The following PKIB variants were observed in gnomAD, a reference collection of about 807,000 sequenced individuals.
PKIB encodes cAMP-dependent protein kinase inhibitor beta, also known as PKI-beta.
A neutral mutation model predicts 4.5 loss-of-function variants in PKIB; 2 were observed. The observed-to-expected ratio is 0.44, with a 90% CI of 0.18 to 1.39. PKIB has a LOEUF of 1.39. Among genes scored for constraint, PKIB ranks in the 40% most tolerant of loss-of-function variants. PKIB has a pLI of 0.27. For missense variants in PKIB, 94 were observed against 92.6 expected (o/e 1.02, Z -0.06); for synonymous variants, 38 against 36.0 (o/e 1.06, Z -0.20).
At chr6:122,476,135 GC>G (rs940648980) in intron 1 of PKIB, among the ~76,000 whole-genome samples, 1 of 151,960 alleles carries the variant, frequency 6.6e-6, no homozygotes, top group East Asian at 1.9e-4. Context: ...AAACATCTTG[GC>G]CCCCCCACAG....
intron 2 of PKIB, chr6:122,479,826 A>G (rs1279281626): frequency 6.6e-6 from 1 of 152,176 alleles, no homozygotes; most frequent in Non-Finnish European, 1.5e-5. Context: ...CTCAAAGCAT[A>G]TACTGTTTCT....
At chr6:122,632,361 A>C (rs1455960261) in intron 1 of PKIB, among the ~76,000 whole-genome samples, 4 of 152,184 alleles carry the variant, frequency 2.6e-5, no homozygotes, top group African/African-American at 4.8e-5. Context: ...ATCTTCATAA[A>C]ATGAAAGAAA....
chr6:122,548,995 G>GTA (rs1249077161), intron 2 of PKIB, among the ~76,000 whole-genome samples: 1 of 152,152 alleles, frequency 6.6e-6, no homozygotes, highest in Middle Eastern at 3.2e-3. Context: ...ACACACAACA[G>GTA]TAACTTCCTT....
chr6:122,504,570 T>C (rs1776341933), intron 2 of PKIB, among the ~76,000 whole-genome samples: 1 of 152,244 alleles, frequency 6.6e-6, no homozygotes, highest in Non-Finnish European at 1.5e-5. Flanking sequence ...AGCATGTTTG[T>C]TAGAAATCCC....
intron 3 of PKIB, among the ~76,000 whole-genome samples, chr6:122,711,650 A>G (rs1397877119): frequency 6.6e-6 from 1 of 152,152 alleles, no homozygotes; most frequent in Non-Finnish European, 1.5e-5. Context: ...GAGGCTACAT[A>G]GTTTATTGCA....
At chr6:122,600,280 G>T (rs1273303485) in intron 3 of PKIB, among the ~76,000 whole-genome samples, 4 of 152,164 alleles carry the variant, frequency 2.6e-5, no homozygotes, top group African/African-American at 9.7e-5. Flanking sequence ...CAGCTGATTA[G>T]ATTGTGGCCA....
chr6:122,565,517 A>G (rs9490480), intron 2 of PKIB, among the ~76,000 whole-genome samples: 2,199 of 152,328 alleles, frequency 0.014, 55 homozygotes, highest in African/African-American at 0.051. Flanking sequence ...TGGCTAAGAT[A>G]TTCCAGTATC....
At chr6:122,633,937 T>TCTATCTATCTAA in intron 2 of PKIB, among the ~76,000 whole-genome samples, 1 of 150,404 alleles carries the variant, frequency 6.6e-6, no homozygotes, top group Admixed American at 6.6e-5. Flanking sequence ...GTCCTATCTA[T>TCTATCTATCTAA]CTATCTATCT....
intron 3 of PKIB, among the ~76,000 whole-genome samples, chr6:122,699,660 C>A (rs1020557434): frequency 2.0e-5 from 3 of 152,132 alleles, no homozygotes; most frequent in Non-Finnish European, 4.4e-5. Context: ...TTACTTTGAG[C>A]CATGTTAATA....
At chr6:122,503,961 T>C (rs1461141230) in intron 2 of PKIB, among the ~76,000 whole-genome samples, 2 of 152,202 alleles carry the variant, frequency 1.3e-5, no homozygotes, top group East Asian at 3.9e-4. Flanking sequence ...TGATAATGAA[T>C]TGATTCCAAT....
intron 3 of PKIB, among the ~76,000 whole-genome samples, chr6:122,698,768 A>T (rs1778680099): frequency 6.6e-6 from 1 of 152,164 alleles, no homozygotes; most frequent in East Asian, 1.9e-4. Context: ...AATTAAAGAA[A>T]ATTTGCAAAA....
chr6:122,634,528 G>A (rs1292838697), intron 2 of PKIB, among the ~76,000 whole-genome samples: 1 of 152,056 alleles, frequency 6.6e-6, no homozygotes, highest in African/African-American at 2.4e-5. Context: ...CAGCCTGAGG[G>A]AAGGCTCCAA....
At chr6:122,601,374 A>T (rs1279263748) in intron 3 of PKIB, among the ~76,000 whole-genome samples, 1 of 152,144 alleles carries the variant, frequency 6.6e-6, no homozygotes, top group East Asian at 1.9e-4. Flanking sequence ...GAAATTAGAG[A>T]AAAAGAGTTT....
At chr6:122,576,281 C>T (rs1425657982) in intron 2 of PKIB, among the ~76,000 whole-genome samples, 1 of 151,774 alleles carries the variant, frequency 6.6e-6, no homozygotes, top group East Asian at 1.9e-4. Context: ...AGGCGGATCA[C>T]GAGGTCAGGA....
chr6:122,480,521 G>T (rs1388227573), intron 2 of PKIB: 2 of 151,986 alleles, frequency 1.3e-5, no homozygotes, highest in African/African-American at 4.8e-5. Flanking sequence ...AATGCTTCAG[G>T]TACTTTTTCT....
intron 4 of PKIB, among the ~76,000 whole-genome samples, chr6:122,723,048 C>T (rs1452795967): frequency 1.3e-5 from 2 of 152,162 alleles, no homozygotes; most frequent in African/African-American, 2.4e-5. Context: ...GGACACTCCA[C>T]TCATCTGGTT....
intron 3 of PKIB, among the ~76,000 whole-genome samples, chr6:122,680,718 C>T (rs1777866159): frequency 6.6e-6 from 1 of 152,202 alleles, no homozygotes; most frequent in South Asian, 2.1e-4. Context: ...TGAGCTCCAA[C>T]ATGTCTGAGT....
intron 2 of PKIB, among the ~76,000 whole-genome samples, chr6:122,523,966 A>G (rs1295727358): frequency 6.6e-6 from 1 of 152,212 alleles, no homozygotes; most frequent in East Asian, 1.9e-4. Flanking sequence ...TCTTCATAGC[A>G]GTATGAAAAT....
At chr6:122,649,725 G>T (rs1776475888) in intron 2 of PKIB, among the ~76,000 whole-genome samples, 1 of 152,144 alleles carries the variant, frequency 6.6e-6, no homozygotes, top group Non-Finnish European at 1.5e-5. Flanking sequence ...GGTGGCCCAT[G>T]GTGAGGTGTT....
Sources: gnomAD v4.1 joint callset for allele counts (sites outside exome capture counted in the v4.1 genomes callset) on GRCh38, gnomAD v4.1.1 for gene constraint, MANE v1.5 for transcripts, NCBI Gene and HGNC (gene_info 2026-07-23, HGNC 2026-07-21) for gene names.